The following RNF150 variants were observed in gnomAD, a reference collection of about 807,000 sequenced individuals.
RNF150 encodes ring finger protein 150.
A neutral mutation model predicts 39.3 loss-of-function variants in RNF150; 24 were observed. The observed-to-expected ratio is 0.61, with a 90% CI of 0.44 to 0.86. The LOEUF (loss-of-function observed/expected upper bound fraction) is 0.86. Among genes scored for constraint, RNF150 ranks in the 40% least tolerant of loss-of-function variants. The probability of loss-of-function intolerance (pLI) is 0.00; values close to 1 mark genes in which losing one functional copy is unlikely to be tolerated. For synonymous variants in RNF150, 255 were observed against 227.3 expected (o/e 1.12, Z -1.10); for missense variants, 502 against 587.8 (o/e 0.85, Z 1.51).
At chr4:141,093,296 G>A (rs1445102385) in intron 1 of RNF150, among the ~76,000 whole-genome samples, 1 of 151,354 alleles carries the variant, frequency 6.6e-6, no homozygotes, top group Admixed American at 6.6e-5. Flanking sequence ...AACCTGGGAG[G>A]AGGTGCTTGC....
At chr4:141,062,826 C>T (rs1302435857) in intron 1 of RNF150, among the ~76,000 whole-genome samples, 1 of 152,154 alleles carries the variant, frequency 6.6e-6, no homozygotes, top group Non-Finnish European at 1.5e-5. Flanking sequence ...CCTTGTCCCC[C>T]TCCCTTTCTC....
intron 1 of RNF150, among the ~76,000 whole-genome samples, chr4:141,077,153 G>A (rs1737926398): frequency 6.6e-6 from 1 of 152,144 alleles, no homozygotes; most frequent in Non-Finnish European, 1.5e-5. Context: ...CACTCAAAAT[G>A]AGAGCAGACC....
intron 1 of RNF150, among the ~76,000 whole-genome samples, chr4:140,998,855 C>G (rs1445986904): frequency 6.6e-6 from 1 of 152,134 alleles, no homozygotes; most frequent in African/African-American, 2.4e-5. Context: ...AACATGCAAA[C>G]AGCAAAATAT....
At chr4:141,066,438 T>TA (rs1737465076) in intron 1 of RNF150, among the ~76,000 whole-genome samples, 1 of 152,208 alleles carries the variant, frequency 6.6e-6, no homozygotes. Flanking sequence ...AGCCTAATCT[T>TA]AAAAAATGAT....
intron 1 of RNF150, among the ~76,000 whole-genome samples, chr4:140,978,385 T>C (rs1481068069): frequency 6.6e-6 from 1 of 152,198 alleles, no homozygotes; most frequent in African/African-American, 2.4e-5. Context: ...TAGCCAATTT[T>C]ATTTTCCTTA....
At chr4:141,021,563 G>A (rs1735492889) in intron 1 of RNF150, among the ~76,000 whole-genome samples, 1 of 152,114 alleles carries the variant, frequency 6.6e-6, no homozygotes, top group Admixed American at 6.6e-5. Context: ...TGTTCCCCTG[G>A]CTAACAATGA....
At chr4:140,988,644 C>T (rs1030741082) in intron 1 of RNF150, among the ~76,000 whole-genome samples, 9 of 151,544 alleles carry the variant, frequency 5.9e-5, no homozygotes, top group African/African-American at 9.7e-5. Context: ...CCCCTTCCCC[C>T]CACCCCAAGT....
In RNF150 at chr4:141,132,565, G is replaced by A. The variant is rs1222141171; in HGVS notation, c.244C>T (p.Pro82Ser). 5 of 1,588,744 alleles carry A rather than the reference G, an allele frequency of 3.1e-6. No homozygotes were observed. The Admixed American group carries it at 5.3e-5, about 17-fold the overall frequency. ...ACCTCCCCGCGGGCGTCCTGCTTGG[G>A]CGAGTGCTCTCCGTAGCGCCCGCAC... ...TECGRYGEHSPKQDARGEVVM... is the reference protein window; with the variant it reads ...TECGRYGEHSSKQDARGEVVM... Residue 82 changes from proline to serine, a missense_variant, in exon 1 of 7, where the codon CCC becomes TCC. Transcript: ENST00000515673. The surrounding 1 kb of genome is among the most constrained non-coding windows in gnomAD (Gnocchi z 4.9).
intron 4 of RNF150, among the ~76,000 whole-genome samples, chr4:140,945,118 T>C (rs1297035532): frequency 6.6e-6 from 1 of 152,074 alleles, no homozygotes; most frequent in Non-Finnish European, 1.5e-5. Context: ...GTTCATAGTA[T>C]GGAAATAATA....
intron 1 of RNF150, among the ~76,000 whole-genome samples, chr4:141,194,946 T>C (rs1163976564): frequency 6.6e-6 from 1 of 152,150 alleles, no homozygotes; most frequent in Admixed American, 6.6e-5. Flanking sequence ...AATTAAAACA[T>C]GTAAAAGTTT....
chr4:141,078,842 C>CAT (rs1333035920), intron 1 of RNF150, among the ~76,000 whole-genome samples: 3 of 141,322 alleles, frequency 2.1e-5, no homozygotes, highest in East Asian at 2.0e-4. Context: ...TACACACACA[C>CAT]ACACACATAC....
chr4:140,867,770 A>C lies in RNF150; in HGVS notation c.*491T>G, dbSNP rs1372746342. 1 of 153,504 alleles carries C rather than the reference A, an allele frequency of 6.5e-6. No individual in the cohort carries two copies. The highest frequency in any genetic ancestry group is 1.4e-5 in the Non-Finnish European group (1 of 69,010). The allele number at this position is 153,504 out of a possible 1,614,324, so 9.5% of individuals were successfully genotyped here. A position where few individuals can be genotyped will look rare whatever the true frequency, so the allele number is the denominator to read the frequency against. ...TATCTCAGAGATGGAATACAAACTG[A>C]TCATAGCAGGAACTGGTGCTTCTAA... On this transcript the variant is annotated 3_prime_UTR_variant, in exon 7 of 7. Coordinates refer to ENST00000515673, the MANE Select transcript of RNF150 (RefSeq NM_020724.2).
chr4:140,905,018 G>A (rs1358157734), intron 6 of RNF150, among the ~76,000 whole-genome samples: 6 of 152,094 alleles, frequency 3.9e-5, no homozygotes, highest in South Asian at 2.1e-4. Flanking sequence ...GACTAAACAC[G>A]AACCTCTGAA....
chr4:141,175,973 C>G (rs1259566294), intron 1 of RNF150, among the ~76,000 whole-genome samples: 1 of 152,140 alleles, frequency 6.6e-6, no homozygotes, highest in Non-Finnish European at 1.5e-5. Flanking sequence ...CAACCTCAAC[C>G]TCCCAGGCTC....
At chr4:141,103,609 AGCATGTGT>A (rs1233596906) in intron 1 of RNF150, among the ~76,000 whole-genome samples, 1 of 152,192 alleles carries the variant, frequency 6.6e-6, no homozygotes, top group Non-Finnish European at 1.5e-5. Flanking sequence ...CACGCATGTC[AGCATGTGT>A]GAAACAAAAG....
At chr4:141,049,104 T>C (rs961249041) in intron 1 of RNF150, among the ~76,000 whole-genome samples, 1 of 152,108 alleles carries the variant, frequency 6.6e-6, no homozygotes, top group Non-Finnish European at 1.5e-5. Flanking sequence ...AGTGCTTTAG[T>C]AATAGAAAGC....
In RNF150 at chr4:140,953,405, G is replaced by A. The variant is rs181797160; in HGVS notation, c.736-4033C>T. ...GGAAAAACATAGCATTTTGGCAGCG[G>A]TGGATAAAGGATATGAAAGTCTTCC... is the stretch of plus-strand genomic sequence containing the variant. On this transcript the variant is annotated intron_variant, in intron 2 of 6. Transcript: ENST00000515673. Among the ~76,000 whole-genome samples, 9 of 152,246 alleles carry A rather than the reference G, an allele frequency of 5.9e-5. No homozygotes were observed. The East Asian group carries it at 1.5e-3, about 26-fold the overall frequency.
At chr4:140,905,090 G>A (rs1469315467) in intron 6 of RNF150, among the ~76,000 whole-genome samples, 3 of 152,150 alleles carry the variant, frequency 2.0e-5, no homozygotes, top group Non-Finnish European at 4.4e-5. Flanking sequence ...AAGCTCCTGG[G>A]TGGTTTGCAG....
intron 1 of RNF150, among the ~76,000 whole-genome samples, chr4:141,128,285 T>A (rs1261152711): frequency 2.0e-5 from 3 of 152,150 alleles, no homozygotes; most frequent in Non-Finnish European, 4.4e-5. Context: ...CTAATTCACA[T>A]AACAAGCAAT....
Sources: allele counts gnomAD v4.1 joint callset (sites outside exome capture counted in the v4.1 genomes callset), GRCh38; gene constraint gnomAD v4.1.1; non-coding constraint Gnocchi (gnomAD v3.1); transcripts MANE v1.5; gene names NCBI Gene and HGNC (gene_info 2026-07-23, HGNC 2026-07-21).